MIGA2: variants seen among roughly 807,000 people sequenced by gnomAD.
MIGA2 encodes the protein mitoguardin 2.
In MIGA2, 36 loss-of-function variants were observed where a neutral mutation model predicts 69.9. The ratio of observed to expected loss-of-function variants is 0.52; its 90% CI spans 0.39 to 0.68. The LOEUF is 0.68. MIGA2 is among the 30% of genes least tolerant of loss of function. MIGA2 has a pLI of 0.00. For synonymous variants in MIGA2, 333 were observed against 349.2 expected (o/e 0.95, Z 0.52); for missense variants, 660 against 787.7 (o/e 0.84, Z 1.94).
In MIGA2 at chr9:129,070,281, A is replaced by T; in HGVS notation, c.1610A>T (p.Asp537Val). Residue 537 changes from aspartate to valine, a missense_variant, in exon 16 of 16, where the codon GAC (aspartate) becomes GTC (valine). Physicochemically the swap from Asp to Val is radical, Grantham distance 152. Transcript: ENST00000684074. ...GTGCAGTACCTGAGGGACATGTTCGACCTGGACAATGTGCGCTACACGTCA... is the reference window on the plus strand; with the variant it reads ...GTGCAGTACCTGAGGGACATGTTCGTCCTGGACAATGTGCGCTACACGTCA... ...QIVQYLRDMF[D>V]LDNVRYTSLP... The T allele has an allele frequency of 6.2e-7, 1 of 1,613,096 alleles. No individual in the cohort carries two copies.
In MIGA2 at chr9:129,059,283, C is replaced by A. The variant is rs779299887; in HGVS notation, c.793+12C>A. 1.3e-6 allele frequency: 2 copies of A among 1,558,430 alleles called. No individual in the cohort carries two copies. The highest frequency in any genetic ancestry group is 1.9e-5 in the Admixed American group (1 of 52,320). On this transcript the variant is annotated intron_variant, in intron 7 of 15. Transcript: ENST00000684074. This position sits in a 1 kb window ranked among gnomAD's most constrained non-coding sequence, Gnocchi z 5.6. ...GCTGCTAGACCTCGGTGAGCTGGGCCCAGTGCAGGTGGGGTGGGCGTGGAG... is the reference window on the plus strand; with the variant it reads ...GCTGCTAGACCTCGGTGAGCTGGGCACAGTGCAGGTGGGGTGGGCGTGGAG...
At chr9:129,042,152 GT>G in intron 2 of MIGA2, 151 bp from the exon 3 acceptor site, 2 of 691,838 alleles carry the variant, frequency 2.9e-6, no homozygotes, top group Non-Finnish European at 4.9e-6. Context: ...CAACTTCCCC[GT>G]CTAGGGTGGC....
chr9:129,063,786 C>T (rs372156609), intron 11 of MIGA2, among the ~76,000 whole-genome samples, 155 bp downstream of exon 11: 9 of 152,236 alleles, frequency 5.9e-5, no homozygotes, highest in African/African-American at 2.2e-4. Context: ...CTTGTTATTC[C>T]ATTTCTAAGC....
At position 129,049,409 on chromosome 9, in the gene MIGA2, C is replaced by T. The variant is rs745882355; in HGVS notation, c.449C>T (p.Thr150Ile). 1.2e-6 allele frequency: 2 copies of T among 1,613,488 alleles called. No homozygotes were observed. Among genetic ancestry groups the T allele is most frequent in the East Asian group, 4.5e-5 (2 of 44,874 alleles). The change falls in exon 5 of 16, where the codon ACA (threonine) becomes ATA (isoleucine). Residue 150 changes from threonine (T) to isoleucine (I), a missense_variant. Thr to Ile is a moderately conservative substitution (Grantham distance 89, BLOSUM62 -1). Transcript: ENST00000684074. ...SMMAVNSSSP[T>I]AACSGLWDAR... The stretch of plus-strand genomic sequence containing the variant: ...ATGGCAGTGAACTCATCCAGCCCCA[C>T]AGCCGCGTGCTCGGGACTATGGGAT...
chr9:129,059,058 T>C lies in MIGA2; in HGVS notation c.676-96T>C. 1 of 1,063,290 alleles carries C rather than the reference T, an allele frequency of 9.4e-7. No homozygotes were observed. Among genetic ancestry groups the C allele is most frequent in the Non-Finnish European group, 1.4e-6 (1 of 697,624 alleles). 65.9% of individuals were successfully genotyped at this position (1,063,290 alleles called of 1,614,324 possible). ...GTGCTTAGCTGCTGGGTCCTAGAGC[T>C]CCTCCCCTTTCCCCAGGGACCTGGG... is the stretch of plus-strand genomic sequence containing the variant. On this transcript the variant is annotated intron_variant, in intron 6 of 15. Coordinates refer to ENST00000684074, the MANE Select transcript of MIGA2 (RefSeq NM_001329990.2). This position sits in a 1 kb window ranked among gnomAD's most constrained non-coding sequence, Gnocchi z 5.6.
At chr9:129,051,848 C>G (rs931913566) in intron 6 of MIGA2, among the ~76,000 whole-genome samples, 1 of 148,788 alleles carries the variant, frequency 6.7e-6, no homozygotes, top group African/African-American at 2.5e-5. Flanking sequence ...TAATTAGAGA[C>G]GGAGTCTCAC....
At chr9:129,057,090 A>G (rs1845836080) in intron 6 of MIGA2, among the ~76,000 whole-genome samples, 1 of 152,002 alleles carries the variant, frequency 6.6e-6, no homozygotes, top group Non-Finnish European at 1.5e-5. Context: ...ATTTGCAAAA[A>G]ACAGTAGAGT....
At chr9:129,044,310 C>T (rs544118878) in intron 3 of MIGA2, among the ~76,000 whole-genome samples, 4 of 151,830 alleles carry the variant, frequency 2.6e-5, no homozygotes, top group Admixed American at 1.3e-4. Context: ...ACTCTTTTTC[C>T]CAGCTTCTCA....
At chr9:129,064,129 C>A (rs939488834) in intron 11 of MIGA2, among the ~76,000 whole-genome samples, 1 of 152,220 alleles carries the variant, frequency 6.6e-6, no homozygotes, top group Non-Finnish European at 1.5e-5. Context: ...TCACAACTTA[C>A]ATCACTGCCA....
At chr9:129,045,166 A>AC (rs71383627) in intron 3 of MIGA2, among the ~76,000 whole-genome samples, 4 of 150,478 alleles carry the variant, frequency 2.7e-5, no homozygotes, top group Admixed American at 6.6e-5. Flanking sequence ...AAAAAAAAAA[A>AC]CGAAGCAAAA....
chr9:129,068,429 C>T lies in MIGA2; in HGVS notation c.1404+97C>T. 1 of 1,518,816 alleles carries T rather than the reference C, an allele frequency of 6.6e-7. No homozygotes were observed. Among genetic ancestry groups the T allele is most frequent in the Non-Finnish European group, 8.9e-7 (1 of 1,125,368 alleles). The allele number at this position is 1,518,816 out of a possible 1,614,324, so 94.1% of individuals were successfully genotyped here. On this transcript the variant is annotated intron_variant, in intron 13 of 15. Transcript: ENST00000684074. This position sits in a 1 kb window ranked among gnomAD's most constrained non-coding sequence, Gnocchi z 4.1. The stretch of plus-strand genomic sequence containing the variant: ...TCTGTCCCTAGCACTGGCACCAGGG[C>T]TGGGCCCCCACCCCCTAGATCCGCG...
chr9:129,050,714 G>A (rs964840229), intron 6 of MIGA2, among the ~76,000 whole-genome samples: 4 of 150,812 alleles, frequency 2.7e-5, no homozygotes, highest in Non-Finnish European at 5.9e-5. Context: ...TGGGATTACA[G>A]GTGCCTGCCA....
At chr9:129,052,924 G>C (rs1845622729) in intron 6 of MIGA2, among the ~76,000 whole-genome samples, 1 of 152,196 alleles carries the variant, frequency 6.6e-6, no homozygotes. Context: ...GCACCTGTAG[G>C]AGTGTGTTGG....
chr9:129,042,053 T>A, intron 2 of MIGA2: 1 of 529,422 alleles, frequency 1.9e-6, no homozygotes, highest in East Asian at 3.3e-5. Context: ...TGCTCATGAC[T>A]GAGGGTGCTG....
chr9:129,050,055 T>C, intron 6 of MIGA2, 92 bp downstream of exon 6: 7 of 1,474,646 alleles, frequency 4.7e-6, no homozygotes, highest in Non-Finnish European at 6.4e-6. Context: ...GGCAGTCTCC[T>C]GTCCTCTGAG....
chr9:129,070,232 GC>G lies in MIGA2; in HGVS notation c.1576-12del, dbSNP rs539069074. ...AGTGGCTGGGCCAGGCCTGACACCA[GC>G]CCTGCTCCCCCAGCACCAGATTGTG... is the stretch of plus-strand genomic sequence containing the variant. On this transcript the variant is annotated splice_polypyrimidine_tract_variant and intron_variant, in intron 15 of 15. Coordinates refer to ENST00000684074, the MANE Select transcript of MIGA2 (RefSeq NM_001329990.2). The G allele has an allele frequency of 1.7e-4, 269 of 1,608,426 alleles. 1 individual carries two copies. In the South Asian group the frequency reaches 2.6e-3, roughly 15 times the overall value.
At chr9:129,048,254 C>T (rs1224673812) in intron 3 of MIGA2, among the ~76,000 whole-genome samples, 173 bp from the exon 4 acceptor site, 1 of 152,214 alleles carries the variant, frequency 6.6e-6, no homozygotes. Context: ...ACATGGAGGG[C>T]CCCGCGCTTT....
chr9:129,049,686 T>C, intron 5 of MIGA2, 141 bp from the exon 6 acceptor site: 1 of 1,386,838 alleles, frequency 7.2e-7, no homozygotes, highest in Non-Finnish European at 1.0e-6. Flanking sequence ...AAAGAAGGCC[T>C]GGAACCTGAG....
At position 129,061,347 on chromosome 9, in the gene MIGA2, G is replaced by A. The variant is rs1846059867; in HGVS notation, c.1010+1G>A. Reference sequence around the variant, plus strand: ...GGAGAGTGCCTTGCCGGACCCTCAGGTGAGCAGGTGTGGAGGGAGGGAGGG... The same window carrying A: ...GGAGAGTGCCTTGCCGGACCCTCAGATGAGCAGGTGTGGAGGGAGGGAGGG... On this transcript the variant is annotated splice_donor_variant, in intron 9 of 15. Transcript: ENST00000684074. LOFTEE classifies it high-confidence loss of function. The surrounding 1 kb of genome is among the most constrained non-coding windows in gnomAD (Gnocchi z 5.0). 1.3e-6 allele frequency: 2 copies of A among 1,572,438 alleles called. No individual in the cohort carries two copies. The highest frequency in any genetic ancestry group is 8.7e-7 in the Non-Finnish European group (1 of 1,147,918).
Sources: allele counts gnomAD v4.1 joint callset (sites outside exome capture counted in the v4.1 genomes callset), GRCh38; gene constraint gnomAD v4.1.1; non-coding constraint Gnocchi (gnomAD v3.1); transcripts MANE v1.5; gene names NCBI Gene and HGNC (gene_info 2026-07-23, HGNC 2026-07-21).